The following SNX27 variants were observed in gnomAD, a reference collection of about 807,000 sequenced individuals.
SNX27 encodes sorting nexin-27.
Under a neutral mutation model 71.6 loss-of-function variants are expected in SNX27, and 22 were observed. The ratio of observed to expected loss-of-function variants is 0.31; its 90% CI spans 0.22 to 0.44. The LOEUF is 0.44. SNX27 is among the 20% of genes least tolerant of loss of function. The pLI is 1.00. For missense variants in SNX27, 531 were observed against 698.6 expected (o/e 0.76, Z 2.70); for synonymous variants, 269 against 277.2 (o/e 0.97, Z 0.29).
At position 151,612,219 on chromosome 1, in the gene SNX27, G is replaced by A. The variant is rs551180149; in HGVS notation, c.18G>A (p.Gly6=). The A allele has an allele frequency of 4.6e-4, 626 of 1,371,998 alleles. 2 individuals are homozygous for A. The African/African-American group carries it at 7.9e-3, about 17-fold the overall frequency. 85.0% of individuals were successfully genotyped at this position (1,371,998 alleles called of 1,614,324 possible). A position where few individuals can be genotyped will look rare whatever the true frequency, so the allele number is the denominator to read the frequency against. MADED[G]EGIHPSAPHR... is the part of the protein sequence containing the mutation. ...CTCGCAAGATGGCGGACGAGGACGG[G>A]GAAGGGATTCATCCCTCAGCCCCTC... Residue 6 remains glycine (G), a synonymous_variant, in exon 1 of 12, where the codon GGG becomes GGA. Coordinates refer to ENST00000458013, the MANE Select transcript of SNX27 (RefSeq NM_001330723.2). The surrounding 1 kb of genome is among the most constrained non-coding windows in gnomAD (Gnocchi z 5.2).
At chr1:151,681,003 A>C (rs1485610654) in intron 7 of SNX27, among the ~76,000 whole-genome samples, 1 of 152,138 alleles carries the variant, frequency 6.6e-6, no homozygotes, top group Non-Finnish European at 1.5e-5. Flanking sequence ...TCTTTCTATT[A>C]GTCACTTCCT....
intron 2 of SNX27, among the ~76,000 whole-genome samples, chr1:151,657,410 T>G (rs1669745625): frequency 6.6e-6 from 1 of 152,164 alleles, no homozygotes. Context: ...TCAAGCAATC[T>G]GCCTGCCTGT....
rs1310836256 is a variant in SNX27 at position 151,696,213 on chromosome 1, C to T, written c.*1796C>T. The T allele has an allele frequency of 6.6e-6, 1 of 152,222 alleles. No individual in the cohort carries two copies. The highest frequency in any genetic ancestry group is 2.4e-5 in the African/African-American group (1 of 41,464). The allele number at this position is 152,222 out of a possible 1,614,324, so 9.4% of individuals were successfully genotyped here. On this transcript the variant is annotated 3_prime_UTR_variant, in exon 12 of 12. Transcript: ENST00000458013. The stretch of plus-strand genomic sequence containing the variant: ...GCTAATTGGGGTAGGACAATATTCC[C>T]AGCCCCTAAGCTCTGTAGATAATGC...
rs1042435900 is a variant in SNX27, at chr1:151,695,811, A to C, written c.*1394A>C. ...CAGGTTGGACTTACATAGAGGAAAG[A>C]AAGCAAGAAATGCCCTATGTACATG... On this transcript the variant is annotated 3_prime_UTR_variant, in exon 12 of 12. Transcript: ENST00000458013. 2 of 152,220 alleles carry C rather than the reference A, an allele frequency of 1.3e-5. No individual in the cohort carries two copies. Among genetic ancestry groups the C allele is most frequent in the East Asian group, 1.9e-4 (1 of 5,190 alleles). 9.4% of individuals were successfully genotyped at this position (152,220 alleles called of 1,614,324 possible).
At position 151,694,442 on chromosome 1, in the gene SNX27, C is replaced by T. The variant is rs945703380; in HGVS notation, c.*25C>T. Reference sequence around the variant, plus strand: ...GCCTTTCCTTATCCCCTTCCCTTCCCTTCACCCCCATCCTCTTACTCCTTT... The same window carrying T: ...GCCTTTCCTTATCCCCTTCCCTTCCTTTCACCCCCATCCTCTTACTCCTTT... On this transcript the variant is annotated 3_prime_UTR_variant, in exon 12 of 12. Coordinates refer to ENST00000458013, the MANE Select transcript of SNX27 (RefSeq NM_001330723.2). 6.5e-7 allele frequency: 1 copy of T among 1,547,330 alleles called. No homozygotes were observed.
chr1:151,651,278 G>C (rs181359115), intron 2 of SNX27, among the ~76,000 whole-genome samples: 7 of 150,212 alleles, frequency 4.7e-5, no homozygotes, highest in African/African-American at 1.7e-4. Context: ...CCTGGCGGGA[G>C]GCTGACCCCC....
At chr1:151,683,276 G>T in intron 7 of SNX27, 80 bp from the exon 8 acceptor site, 1 of 1,134,708 alleles carries the variant, frequency 8.8e-7, no homozygotes, top group East Asian at 2.5e-5. Context: ...CTGAAAATGC[G>T]TCTGTGTCTG....
At chr1:151,674,875 A>G (rs1290181746) in intron 7 of SNX27, among the ~76,000 whole-genome samples, 1 of 151,398 alleles carries the variant, frequency 6.6e-6, no homozygotes, top group Admixed American at 6.6e-5. Flanking sequence ...TTTAGTAGAG[A>G]CGGGGTTTCA....
intron 8 of SNX27, among the ~76,000 whole-genome samples, chr1:151,687,885 TTGCAGTGAGCCGCGATCGC>T (rs1671254196): frequency 6.6e-6 from 1 of 150,812 alleles, no homozygotes; most frequent in South Asian, 2.1e-4. Context: ...GAGGCGGAGC[TTGCAGTGAGCCGCGATCGC>T]GCCGCTCACT....
intron 7 of SNX27, among the ~76,000 whole-genome samples, chr1:151,671,759 C>T (rs1670460196): frequency 6.6e-6 from 1 of 151,948 alleles, no homozygotes; most frequent in African/African-American, 2.4e-5. Flanking sequence ...TGTTGGTGTC[C>T]TCTCTTCACC....
chr1:151,612,603 T>TC lies in SNX27; in HGVS notation c.311+96dup, dbSNP rs558914459. The TC allele has an allele frequency of 4.6e-3, 4,219 of 917,640 alleles. 27 individuals carry two copies. Among genetic ancestry groups the TC allele is most frequent in the South Asian group, 4.6e-3 (105 of 22,734 alleles). The allele number at this position is 917,640 out of a possible 1,614,324, so 56.8% of individuals were successfully genotyped here. ...ACCCTTGTCACCCCCAGGCCGCACCTCCCCCGAGCTCCGAGCCGGCCTCCG... is the reference window on the plus strand; with the variant it reads ...ACCCTTGTCACCCCCAGGCCGCACCTCCCCCCGAGCTCCGAGCCGGCCTCCG... On this transcript the variant is annotated intron_variant, in intron 1 of 11. Coordinates refer to ENST00000458013, the MANE Select transcript of SNX27 (RefSeq NM_001330723.2). The surrounding 1 kb of genome is among the most constrained non-coding windows in gnomAD (Gnocchi z 5.2).
intron 1 of SNX27, among the ~76,000 whole-genome samples, chr1:151,617,688 A>AG (rs1667481662): frequency 6.6e-6 from 1 of 152,214 alleles, no homozygotes; most frequent in African/African-American, 2.4e-5. Context: ...TATTTGTTGT[A>AG]TCCCTAGCCA....
rs191718315 is a variant in SNX27, at chr1:151,623,362, T to G, written c.311+10850T>G. 7.2e-5 allele frequency among the ~76,000 whole-genome samples: 11 copies of G among 152,118 alleles called. No homozygotes were observed. In the Middle Eastern group the frequency reaches 0.01, roughly 142 times the overall value. ...TCACCTTGTTAGCCAGGATGGTCTCTATCTTCTGACCTCGTGATCCGCCCA... is the reference window on the plus strand; with the variant it reads ...TCACCTTGTTAGCCAGGATGGTCTCGATCTTCTGACCTCGTGATCCGCCCA... On this transcript the variant is annotated intron_variant, in intron 1 of 11. Coordinates refer to ENST00000458013, the MANE Select transcript of SNX27 (RefSeq NM_001330723.2).
intron 1 of SNX27, among the ~76,000 whole-genome samples, chr1:151,624,026 A>G (rs991880826): frequency 1.3e-5 from 2 of 152,162 alleles, no homozygotes; most frequent in African/African-American, 2.4e-5. Context: ...CAGTGGCACA[A>G]TCATAACTCA....
intron 1 of SNX27, chr1:151,614,259 A>T (rs892142625): frequency 2.0e-5 from 3 of 151,380 alleles, no homozygotes; most frequent in Admixed American, 6.6e-5. Flanking sequence ...CTGTAAATAG[A>T]TGCTTTCTTG....
At chr1:151,658,451 C>T (rs761060457) in intron 3 of SNX27, 24 bp downstream of exon 3, 5 of 1,605,992 alleles carry the variant, frequency 3.1e-6, no homozygotes, top group Non-Finnish European at 4.3e-6. Context: ...TCAAACTCTA[C>T]TATATTGAGT....
intron 8 of SNX27, among the ~76,000 whole-genome samples, chr1:151,686,832 T>G (rs1177557764): frequency 6.6e-6 from 1 of 152,224 alleles, no homozygotes; most frequent in African/African-American, 2.4e-5. Context: ...CACAATGAAC[T>G]TCTCAGTTTT....
intron 6 of SNX27, among the ~76,000 whole-genome samples, chr1:151,668,069 C>T (rs1037766155): frequency 6.6e-6 from 1 of 152,150 alleles, no homozygotes; most frequent in Non-Finnish European, 1.5e-5. Flanking sequence ...TACCAAACAT[C>T]TTTAAGACTG....
intron 7 of SNX27, among the ~76,000 whole-genome samples, chr1:151,682,609 T>A (rs1217051336): frequency 1.3e-5 from 2 of 152,142 alleles, no homozygotes; most frequent in Non-Finnish European, 2.9e-5. Flanking sequence ...TTTAATTGAC[T>A]CACAGTTTCG....
Sources: gnomAD v4.1 joint callset for allele counts (sites outside exome capture counted in the v4.1 genomes callset) on GRCh38, gnomAD v4.1.1 for gene constraint, Gnocchi (gnomAD v3.1) non-coding constraint, MANE v1.5 for transcripts, NCBI Gene and HGNC (gene_info 2026-07-23, HGNC 2026-07-21) for gene names.